CACNA2D1: variants seen among roughly 807,000 people sequenced by gnomAD.
CACNA2D1 encodes the protein calcium voltage-gated channel auxiliary subunit alpha2delta 1.
Under a neutral mutation model 171.5 loss-of-function variants are expected in CACNA2D1, and 53 were observed. The observed-to-expected ratio is 0.31, with a 90% CI of 0.25 to 0.39. The LOEUF is 0.39. Ranked by LOEUF, CACNA2D1 falls within the 10% of genes least tolerant of loss-of-function variation. CACNA2D1 has a pLI of 1.00. For synonymous variants in CACNA2D1, 442 were observed against 443.1 expected, an observed-to-expected ratio of 1.00 and a Z score of 0.03; for missense variants, 903 against 1,299.8, an observed-to-expected ratio of 0.69 and a Z score of 4.69.
chr7:81,998,781 G>C (rs37118), intron 18 of CACNA2D1, among the ~76,000 whole-genome samples: 80,060 of 151,822 alleles, frequency 0.53, 23,432 homozygotes, highest in African/African-American at 0.8. Flanking sequence ...ATCTTACTGC[G>C]TGAAAAGGAA....
chr7:82,069,830 C>G (rs1808110608), intron 7 of CACNA2D1, among the ~76,000 whole-genome samples: 1 of 151,782 alleles, frequency 6.6e-6, no homozygotes, highest in South Asian at 2.1e-4. Flanking sequence ...TTAAAAAGTT[C>G]AAATGTATTT....
At chr7:82,130,924 G>A (rs931591304) in intron 5 of CACNA2D1, among the ~76,000 whole-genome samples, 7 of 150,072 alleles carry the variant, frequency 4.7e-5, no homozygotes, top group African/African-American at 1.7e-4. Flanking sequence ...AGCCTCCCAA[G>A]TAGCTGAGAC....
intron 1 of CACNA2D1, among the ~76,000 whole-genome samples, chr7:82,374,708 T>C (rs1822808727): frequency 6.6e-6 from 1 of 151,246 alleles, no homozygotes; most frequent in South Asian, 2.1e-4. Flanking sequence ...TGTAGTTGCT[T>C]AAATTTTGTT....
At chr7:82,287,972 A>G (rs2129389621) in intron 3 of CACNA2D1, among the ~76,000 whole-genome samples, 2 of 150,164 alleles carry the variant, frequency 1.3e-5, no homozygotes, top group East Asian at 3.9e-4. Flanking sequence ...CTGGCACTAC[A>G]GGAGCCCACC....
At chr7:82,272,708 G>A (rs977049916) in intron 3 of CACNA2D1, among the ~76,000 whole-genome samples, 4 of 152,074 alleles carry the variant, frequency 2.6e-5, no homozygotes, top group Non-Finnish European at 4.4e-5. Flanking sequence ...AAAAATCAGC[G>A]TAATATCCTA....
In CACNA2D1 at chr7:82,145,421, T is replaced by C. The variant is rs184572378; in HGVS notation, c.355-8745A>G. 1.4e-3 allele frequency among the ~76,000 whole-genome samples: 203 copies of C among 143,652 alleles called. 3 individuals carry two copies. In the East Asian group the frequency reaches 0.015, roughly 11 times the overall value. The allele number at this position is 143,652 out of a possible 152,430, so 94.2% of individuals were successfully genotyped here. On this transcript the variant is annotated intron_variant, in intron 4 of 38. Coordinates refer to ENST00000356860, the MANE Select transcript of CACNA2D1 (RefSeq NM_000722.4). Reference sequence around the variant, plus strand: ...TATATATTGCATATTATATATTATGTAAATTATATATAAATTACATGTATA... The same window carrying C: ...TATATATTGCATATTATATATTATGCAAATTATATATAAATTACATGTATA...
intron 2 of CACNA2D1, among the ~76,000 whole-genome samples, chr7:82,339,590 C>T (rs934766433): frequency 2.6e-5 from 4 of 152,110 alleles, no homozygotes; most frequent in African/African-American, 4.8e-5. Context: ...TGGCATGTAA[C>T]GAGCCAAATA....
chr7:81,953,009 C>T (rs1478672128), intron 38 of CACNA2D1, among the ~76,000 whole-genome samples: 2 of 152,012 alleles, frequency 1.3e-5, no homozygotes, highest in African/African-American at 4.8e-5. Flanking sequence ...CCCACCTCAG[C>T]CTCCCAAGTA....
At chr7:82,353,587 A>G (rs763407477) in intron 1 of CACNA2D1, among the ~76,000 whole-genome samples, 2 of 152,138 alleles carry the variant, frequency 1.3e-5, no homozygotes, top group Non-Finnish European at 2.9e-5. Context: ...CTGGAAAGGT[A>G]CATTTAAAGA....
intron 32 of CACNA2D1, 89 bp downstream of exon 32, chr7:81,965,505 G>A (rs550720686): frequency 1.6e-4 from 124 of 787,854 alleles, no homozygotes; most frequent in Admixed American, 1.1e-3. Context: ...ACAACTCATC[G>A]ATTTCTAAAA....
At chr7:82,134,140 C>T (rs1286871618) in intron 5 of CACNA2D1, among the ~76,000 whole-genome samples, 1 of 151,734 alleles carries the variant, frequency 6.6e-6, no homozygotes, top group Non-Finnish European at 1.5e-5. Context: ...AAAAATGTAA[C>T]AAAAAACCAA....
In CACNA2D1 at chr7:82,336,197, C is replaced by T. The variant is rs982921221; in HGVS notation, c.178-946G>A. Among the ~76,000 whole-genome samples the T allele has an allele frequency of 3.3e-5, 5 of 152,258 alleles. 1 individual carries two copies. Among genetic ancestry groups the T allele is most frequent in the Admixed American group, 3.3e-4 (5 of 15,294 alleles). ...ATCCAGGCACATACAGGAATCAGTT[C>T]AACCCTGCTTTTTTCTGGCACAACT... is the stretch of plus-strand genomic sequence containing the variant. On this transcript the variant is annotated intron_variant, in intron 2 of 38. Transcript: ENST00000356860.
intron 24 of CACNA2D1, among the ~76,000 whole-genome samples, chr7:81,980,783 C>A (rs1399543678): frequency 6.6e-6 from 1 of 152,030 alleles, no homozygotes; most frequent in Non-Finnish European, 1.5e-5. Flanking sequence ...TACGACAGAA[C>A]TGGCAAGACT....
At chr7:82,159,126 T>G (rs568309694) in intron 4 of CACNA2D1, among the ~76,000 whole-genome samples, 1 of 152,104 alleles carries the variant, frequency 6.6e-6, no homozygotes, top group South Asian at 2.1e-4. Context: ...GGAACACTTA[T>G]GTTGACATTG....
intron 6 of CACNA2D1, among the ~76,000 whole-genome samples, chr7:82,111,444 A>T (rs867682957): frequency 0.16 from 11,163 of 69,768 alleles, 1,453 homozygotes; most frequent in East Asian, 0.28. Flanking sequence ...ATATATATAT[A>T]TTTTTTTTTT....
intron 38 of CACNA2D1, among the ~76,000 whole-genome samples, chr7:81,955,972 ATATATATATTT>A (rs1235251835): frequency 1.4e-5 from 1 of 70,194 alleles, no homozygotes; most frequent in Non-Finnish European, 2.6e-5. Flanking sequence ...ATATATATAT[ATATATATATTT>A]TTTTTTTTTT....
In CACNA2D1 at chr7:82,117,191, A is replaced by G. The variant is rs1175238044; in HGVS notation, c.397-18T>C. The G allele has an allele frequency of 6.2e-7, 1 of 1,612,220 alleles. No individual in the cohort carries two copies. Among genetic ancestry groups the G allele is most frequent in the East Asian group, 2.2e-5 (1 of 44,838 alleles). ...TTCTCAGGCTATATAGAAAAAGAAT[A>G]AACAGAATATTACAATTTTTGCTAA... On this transcript the variant is annotated intron_variant, in intron 5 of 38. Transcript: ENST00000356860.
At chr7:82,236,830 T>C (rs1356176615) in intron 3 of CACNA2D1, among the ~76,000 whole-genome samples, 2 of 151,982 alleles carry the variant, frequency 1.3e-5, no homozygotes, top group Admixed American at 6.6e-5. Flanking sequence ...TTTCATGCCA[T>C]AAAACTAATT....
intron 10 of CACNA2D1, among the ~76,000 whole-genome samples, chr7:82,044,819 T>C (rs2131263643): frequency 6.6e-6 from 1 of 152,318 alleles, no homozygotes; most frequent in East Asian, 1.9e-4. Flanking sequence ...TTCATATTTT[T>C]CATAGTAGAT....
Sources: gnomAD v4.1 joint callset for allele counts (sites outside exome capture counted in the v4.1 genomes callset) on GRCh38, gnomAD v4.1.1 for gene constraint, MANE v1.5 for transcripts, NCBI Gene and HGNC (gene_info 2026-07-23, HGNC 2026-07-21) for gene names.